The following TCF12 variants were observed in gnomAD, a reference collection of about 807,000 sequenced individuals.
TCF12 encodes DNA-binding protein HTF4.
Under a neutral mutation model 86.0 loss-of-function variants are expected in TCF12, and 45 were observed. The ratio of observed to expected loss-of-function variants is 0.52; its 90% confidence interval spans 0.41 to 0.67. The LOEUF is 0.67. Ranked by LOEUF, TCF12 falls within the 30% of genes least tolerant of loss-of-function variation. The probability of loss-of-function intolerance (pLI) is 0.00; values close to 1 mark genes in which losing one functional copy is unlikely to be tolerated. For synonymous variants in TCF12, 330 were observed against 299.6 expected, an observed-to-expected ratio of 1.10 and a Z score of -1.05; for missense variants, 881 against 859.9, an observed-to-expected ratio of 1.02 and a Z score of -0.31.
intron 3 of TCF12, among the ~76,000 whole-genome samples, chr15:57,030,384 G>C (rs2066093059): frequency 6.6e-6 from 1 of 152,096 alleles, no homozygotes; most frequent in Admixed American, 6.5e-5. Flanking sequence ...GACCACAGGT[G>C]CAAGCCAGCA....
chr15:57,246,950 C>A, intron 13 of TCF12: 1 of 532,320 alleles, frequency 1.9e-6, no homozygotes, highest in South Asian at 1.4e-5. Flanking sequence ...TAGCCCTTTT[C>A]TGCTGTTTTT....
chr15:57,089,563 A>G (rs1243929181), intron 4 of TCF12, among the ~76,000 whole-genome samples: 1 of 148,814 alleles, frequency 6.7e-6, no homozygotes, highest in African/African-American at 2.5e-5. Context: ...ATATATTTGT[A>G]TAGTGGTGCT....
chr15:57,262,616 A>AT (rs2060640212), intron 17 of TCF12, among the ~76,000 whole-genome samples: 1 of 152,186 alleles, frequency 6.6e-6, no homozygotes, highest in African/African-American at 2.4e-5. Context: ...GAGACATGCA[A>AT]TTTTGATAAA....
At chr15:57,186,916 C>G (rs1328940317) in intron 6 of TCF12, among the ~76,000 whole-genome samples, 1 of 152,188 alleles carries the variant, frequency 6.6e-6, no homozygotes, top group Non-Finnish European at 1.5e-5. Context: ...CATGGTGGCT[C>G]ACACCAGTAA....
At chr15:57,145,849 A>G (rs1487239864) in intron 5 of TCF12, among the ~76,000 whole-genome samples, 3 of 152,136 alleles carry the variant, frequency 2.0e-5, no homozygotes, top group Non-Finnish European at 2.9e-5. Context: ...GAGGGTAGGA[A>G]GGCTTTTGAG....
intron 3 of TCF12, among the ~76,000 whole-genome samples, chr15:57,062,132 A>G (rs1302056118): frequency 2.6e-5 from 4 of 151,818 alleles, no homozygotes; most frequent in African/African-American, 9.7e-5. Context: ...AATTTTTTGT[A>G]TTTTTAGTAG....
intron 4 of TCF12, among the ~76,000 whole-genome samples, 170 bp downstream of exon 4, chr15:57,063,993 CTT>C (rs1278254176): frequency 1.3e-5 from 2 of 152,196 alleles, no homozygotes; most frequent in African/African-American, 4.8e-5. Flanking sequence ...AGCTGTCAAA[CTT>C]TGGAAATTTA....
intron 16 of TCF12, among the ~76,000 whole-genome samples, chr15:57,254,201 GTTC>G (rs1345179630): frequency 2.6e-5 from 4 of 152,148 alleles, no homozygotes; most frequent in Admixed American, 6.5e-5. Flanking sequence ...GCTGTGAAAT[GTTC>G]TTCTACGAAG....
intron 3 of TCF12, among the ~76,000 whole-genome samples, chr15:56,973,278 A>G (rs1453176729): frequency 2.0e-5 from 3 of 152,130 alleles, no homozygotes; most frequent in African/African-American, 4.8e-5. Flanking sequence ...ATGTGTATAC[A>G]TTAATTTATT....
chr15:56,933,722 T>C (rs1397198854), intron 3 of TCF12, among the ~76,000 whole-genome samples: 2 of 152,102 alleles, frequency 1.3e-5, no homozygotes, highest in Non-Finnish European at 2.9e-5. Flanking sequence ...AGTTATTAGG[T>C]GGCATAGCAA....
At chr15:57,250,850 C>T (rs1197380831) in intron 13 of TCF12, among the ~76,000 whole-genome samples, 3 of 148,796 alleles carry the variant, frequency 2.0e-5, no homozygotes, top group African/African-American at 2.4e-5. Context: ...GAGCCAAGAT[C>T]GTGCCACTGC....
intron 6 of TCF12, among the ~76,000 whole-genome samples, chr15:57,181,026 G>A (rs1354846440): frequency 6.6e-6 from 1 of 151,684 alleles, no homozygotes; most frequent in Non-Finnish European, 1.5e-5. Context: ...GTGTTAGCCA[G>A]GATAGTCTCA....
intron 18 of TCF12, among the ~76,000 whole-genome samples, chr15:57,269,360 C>CTTT (rs56700978): frequency 7.8e-4 from 25 of 31,998 alleles, no homozygotes; most frequent in East Asian, 1.1e-3. Context: ...ACAACCCCTG[C>CTTT]TTTTTTTTTT....
At chr15:57,196,469 C>A (rs1281926292) in intron 7 of TCF12, among the ~76,000 whole-genome samples, 1 of 152,124 alleles carries the variant, frequency 6.6e-6, no homozygotes, top group Non-Finnish European at 1.5e-5. Flanking sequence ...TTGTTTAATT[C>A]CCATTTTTAC....
At chr15:57,044,876 G>C (rs2067128974) in intron 3 of TCF12, among the ~76,000 whole-genome samples, 1 of 152,114 alleles carries the variant, frequency 6.6e-6, no homozygotes, top group Non-Finnish European at 1.5e-5. Flanking sequence ...CTGTTTTATT[G>C]AGTTTAACTT....
chr15:57,029,897 G>A (rs2066046482), intron 3 of TCF12, among the ~76,000 whole-genome samples: 2 of 152,166 alleles, frequency 1.3e-5, no homozygotes, highest in Admixed American at 6.5e-5. Context: ...CAACTATGTT[G>A]TAGGTATCAG....
At chr15:57,170,527 C>A (rs62024413) in intron 6 of TCF12, among the ~76,000 whole-genome samples, 22 of 145,684 alleles carry the variant, frequency 1.5e-4, no homozygotes, top group African/African-American at 5.6e-4. Flanking sequence ...TATTAAATTT[C>A]TAAATTCATG....
At chr15:57,156,000 T>G (rs4774912) in intron 5 of TCF12, among the ~76,000 whole-genome samples, 9,757 of 152,280 alleles carry the variant, frequency 0.064, 656 homozygotes, top group African/African-American at 0.17. Flanking sequence ...AAAAATTTCA[T>G]TGACATTTTG....
intron 4 of TCF12, among the ~76,000 whole-genome samples, chr15:57,090,775 G>C (rs1217863156): frequency 6.6e-6 from 1 of 152,070 alleles, no homozygotes; most frequent in Non-Finnish European, 1.5e-5. Flanking sequence ...CTTCGTATAC[G>C]TTTTTCCGGT....
Sources: gnomAD v4.1 joint callset for allele counts (sites outside exome capture counted in the v4.1 genomes callset) on GRCh38, gnomAD v4.1.1 for gene constraint, MANE v1.5 for transcripts, NCBI Gene and HGNC (gene_info 2026-07-23, HGNC 2026-07-21) for gene names.